Variants in SLC25A48 observed in about 807,000 individuals in gnomAD.
The protein encoded by SLC25A48 is solute carrier family 25 member 48.
SLC25A48 carries 29 observed loss-of-function variants against 32.2 expected under a neutral mutation model. The ratio of observed to expected loss-of-function variants is 0.90; its 90% CI spans 0.67 to 1.23. The LOEUF (loss-of-function observed/expected upper bound fraction) is 1.23. SLC25A48 is among the 50% of genes most tolerant of loss of function. SLC25A48 has a pLI of 0.00. For missense variants in SLC25A48, 399 were observed against 422.7 expected (o/e 0.94, Z 0.49); for synonymous variants, 164 against 172.3 (o/e 0.95, Z 0.38).
chr5:135,663,136 T>C (rs536180391), intron 3 of SLC25A48, among the ~76,000 whole-genome samples: 2 of 152,320 alleles, frequency 1.3e-5, no homozygotes, highest in South Asian at 4.1e-4. Context: ...ATATCATTGC[T>C]CACTGAATAA....
chr5:135,795,326 G>A (rs1000276229), intron 3 of SLC25A48, among the ~76,000 whole-genome samples: 9 of 151,746 alleles, frequency 5.9e-5, no homozygotes, highest in Non-Finnish European at 1.2e-4. Context: ...ATATCACAAA[G>A]GGTTTACACC....
chr5:135,709,937 A>G (rs1048087797), intron 3 of SLC25A48, among the ~76,000 whole-genome samples: 1 of 152,180 alleles, frequency 6.6e-6, no homozygotes, highest in Non-Finnish European at 1.5e-5. Context: ...TGGGTTTTTA[A>G]AAAGGCTCAG....
At position 135,871,490 on chromosome 5, in the gene SLC25A48, G is replaced by A. The variant is rs545579958; in HGVS notation, c.451G>A (p.Ala151Thr). 1 of 1,603,218 alleles carries A rather than the reference G, an allele frequency of 6.2e-7. No individual in the cohort carries two copies. The highest frequency in any genetic ancestry group is 1.1e-5 in the South Asian group (1 of 90,044). Residue 151 changes from alanine to threonine, a missense_variant, in exon 5 of 8, where the codon GCT (alanine) becomes ACT (threonine). By Grantham distance (58) the Ala-to-Thr change is moderately conservative. Coordinates refer to ENST00000681962, the MANE Select transcript of SLC25A48 (RefSeq NM_001349336.2). ...ANLGLKSRAV[A>T]PAEQPAYQGP... ...CCTCGGTTTGAAGTCCAGGGCAGTG[G>A]CTCCTGCGGAGCAGCCAGCATACCA...
At chr5:135,695,986 A>G (rs1174035334) in intron 3 of SLC25A48, among the ~76,000 whole-genome samples, 1 of 152,182 alleles carries the variant, frequency 6.6e-6, no homozygotes, top group South Asian at 2.1e-4. Flanking sequence ...AGTCTTTACC[A>G]TCTGCCATGA....
chr5:135,820,408 A>G (rs1475578611), intron 4 of SLC25A48, among the ~76,000 whole-genome samples: 1 of 152,224 alleles, frequency 6.6e-6, no homozygotes, highest in Non-Finnish European at 1.5e-5. Flanking sequence ...GAAGCAAGAG[A>G]GCAGATTACC....
chr5:135,758,157 G>C (rs1755969139), intron 3 of SLC25A48, among the ~76,000 whole-genome samples: 1 of 150,658 alleles, frequency 6.6e-6, no homozygotes, highest in East Asian at 2.0e-4. Context: ...GATATGAATA[G>C]AATACCATCT....
intron 3 of SLC25A48, among the ~76,000 whole-genome samples, chr5:135,785,671 G>A (rs747472197): frequency 3.3e-5 from 5 of 150,270 alleles, no homozygotes; most frequent in African/African-American, 4.9e-5. Flanking sequence ...GGGGAGAGGG[G>A]GGTGGAACAC....
intron 3 of SLC25A48, among the ~76,000 whole-genome samples, chr5:135,794,018 G>C (rs1757101173): frequency 6.6e-6 from 1 of 151,762 alleles, no homozygotes; most frequent in South Asian, 2.1e-4. Context: ...CTAATATTCA[G>C]GGGGGAAATT....
chr5:135,785,219 C>T (rs1217138150), intron 3 of SLC25A48, among the ~76,000 whole-genome samples: 1 of 152,110 alleles, frequency 6.6e-6, no homozygotes, highest in African/African-American at 2.4e-5. Context: ...TGTTCACCCC[C>T]CTTGTCCCAT....
At chr5:135,842,497 G>A (rs752605787) in intron 2 of SLC25A48, 38 bp downstream of exon 2, 1 of 1,596,270 alleles carries the variant, frequency 6.3e-7, no homozygotes, top group Non-Finnish European at 8.6e-7. Context: ...CTTAAAAAGA[G>A]GCATGGAGCT....
intron 3 of SLC25A48, among the ~76,000 whole-genome samples, chr5:135,769,781 C>A (rs1308112941): frequency 6.6e-6 from 1 of 151,432 alleles, no homozygotes; most frequent in Non-Finnish European, 1.5e-5. Flanking sequence ...TTTGTTAGAT[C>A]CAGAAAAAGA....
At chr5:135,644,721 C>T (rs1435203486) in intron 3 of SLC25A48, among the ~76,000 whole-genome samples, 3 of 152,158 alleles carry the variant, frequency 2.0e-5, no homozygotes, top group Admixed American at 2.0e-4. Context: ...TTGCACAACA[C>T]ATGGAACTTT....
intron 3 of SLC25A48, among the ~76,000 whole-genome samples, chr5:135,803,847 G>C (rs1347537092): frequency 2.0e-5 from 3 of 151,452 alleles, no homozygotes; most frequent in Non-Finnish European, 3.0e-5. Flanking sequence ...TGTATACCTT[G>C]TACACTCACT....
rs149321358 is a variant in SLC25A48, at chr5:135,731,404, A to C, written c.-520-81119A>C. Among the ~76,000 whole-genome samples, 931 of 152,286 alleles carry C rather than the reference A, an allele frequency of 6.1e-3. 8 individuals carry two copies. The highest frequency in any genetic ancestry group is 0.021 in the African/African-American group (860 of 41,550). ...ATGACATTCCTGTCTTCTTATATTA[A>C]TAAGAAAAATAAAACAAAATAGTGG... is the stretch of plus-strand genomic sequence containing the variant. On this transcript the variant is annotated intron_variant, in intron 3 of 10. Transcript: ENST00000646290.
rs1289078962 is a variant in SLC25A48, at chr5:135,886,636, T to TA, written c.*8-1392dup. On this transcript the variant is annotated intron_variant, in intron 7 of 7. Transcript: ENST00000681962. ...ATATATATATATATATATATATATA[T>TA]AAAATATATATATGTGTGTGTGTGT... 2.0e-4 allele frequency among the ~76,000 whole-genome samples: 6 copies of TA among 30,130 alleles called. 1 individual carries two copies. In the East Asian group the frequency reaches 4.2e-3, roughly 21 times the overall value. The allele number at this position is 30,130 out of a possible 152,430, so 19.8% of individuals were successfully genotyped here.
intron 4 of SLC25A48, among the ~76,000 whole-genome samples, chr5:135,868,755 T>C (rs1308550714): frequency 1.2e-4 from 18 of 152,174 alleles, no homozygotes; most frequent in Admixed American, 1.2e-3. Flanking sequence ...AGTTTGGGTC[T>C]TGTTGCCAAA....
intron 7 of SLC25A48, among the ~76,000 whole-genome samples, chr5:135,886,370 T>A (rs27346): frequency 6.8e-6 from 1 of 146,160 alleles, no homozygotes; most frequent in Non-Finnish European, 1.5e-5. Context: ...TCACTCCCAC[T>A]CAGGAGCACC....
At chr5:135,660,413 G>A (rs1331371885) in intron 3 of SLC25A48, among the ~76,000 whole-genome samples, 1 of 152,068 alleles carries the variant, frequency 6.6e-6, no homozygotes, top group Non-Finnish European at 1.5e-5. Flanking sequence ...GTATTCATCA[G>A]GTCAATCTTG....
chr5:135,799,049 G>A (rs558673354), intron 3 of SLC25A48, among the ~76,000 whole-genome samples: 1 of 151,742 alleles, frequency 6.6e-6, no homozygotes, highest in Non-Finnish European at 1.5e-5. Context: ...AAGAGAGGAT[G>A]ATATTACTCC....
Sources: gnomAD v4.1 joint callset for allele counts (sites outside exome capture counted in the v4.1 genomes callset) on GRCh38, gnomAD v4.1.1 for gene constraint, MANE v1.5 for transcripts, NCBI Gene and HGNC (gene_info 2026-07-23, HGNC 2026-07-21) for gene names.